Variants in SAE1 observed in about 807,000 individuals in gnomAD.
SAE1 encodes the protein SUMO-activating enzyme subunit 1.
A neutral mutation model predicts 40.6 loss-of-function variants in SAE1; 11 were observed. The observed-to-expected ratio is 0.27, with a 90% CI of 0.17 to 0.45. SAE1 has a LOEUF of 0.45. Ranked by LOEUF, SAE1 falls within the 20% of genes least tolerant of loss-of-function variation. The pLI is 1.00. For synonymous variants in SAE1, 155 were observed against 154.3 expected (o/e 1.00, Z -0.03); for missense variants, 373 against 427.3 (o/e 0.87, Z 1.12).
chr19:47,148,088 C>T (rs1027047956), intron 2 of SAE1, among the ~76,000 whole-genome samples: 11 of 152,048 alleles, frequency 7.2e-5, no homozygotes, highest in African/African-American at 1.2e-4. Context: ...TCCATGTCCT[C>T]GTTTTATATG....
chr19:47,176,480 A>C (rs2058469323), intron 6 of SAE1, among the ~76,000 whole-genome samples: 1 of 152,176 alleles, frequency 6.6e-6, no homozygotes, highest in Non-Finnish European at 1.5e-5. Flanking sequence ...TCAATAAATA[A>C]ATATTTTTTG....
chr19:47,163,088 A>AACT (rs541637242), intron 5 of SAE1, among the ~76,000 whole-genome samples: 1 of 152,270 alleles, frequency 6.6e-6, no homozygotes, highest in South Asian at 2.1e-4. Context: ...ACCAAATGAT[A>AACT]ACTATAACCT....
chr19:47,195,220 A>G (rs1348954941), intron 6 of SAE1, among the ~76,000 whole-genome samples: 2 of 150,630 alleles, frequency 1.3e-5, no homozygotes, highest in East Asian at 3.9e-4. Context: ...ACGCCTGGCT[A>G]ATTTTTGTAT....
chr19:47,155,364 G>T, intron 5 of SAE1, 151 bp downstream of exon 5: 1 of 530,622 alleles, frequency 1.9e-6, no homozygotes, highest in East Asian at 3.0e-5. Context: ...CTTAGTGTCA[G>T]CCAGCTGTTG....
chr19:47,184,313 G>A lies in SAE1; in HGVS notation c.734-12920G>A, dbSNP rs553909585. Among the ~76,000 whole-genome samples the A allele has an allele frequency of 5.3e-5, 8 of 152,242 alleles. No individual in the cohort carries two copies. In the South Asian group the frequency reaches 1.0e-3, roughly 20 times the overall value. ...TAAGAATGTGGTGACTTTTAAATCC[G>A]TCGTGACCATAAGCCTCTCCTAAGC... On this transcript the variant is annotated intron_variant, in intron 6 of 8. Coordinates refer to ENST00000270225, the MANE Select transcript of SAE1 (RefSeq NM_005500.3).
Position 47,130,911 on chromosome 19 carries a change from A to T in SAE1, c.-20A>T, listed in dbSNP as rs2058137037. The stretch of plus-strand genomic sequence containing the variant: ...GTTGGCTTGAGCGGGACCGGAGCTG[A>T]GGCAGGAAGAGCCGGCGCCATGGTG... On this transcript the variant is annotated 5_prime_UTR_variant, in exon 1 of 9. Coordinates refer to ENST00000270225, the MANE Select transcript of SAE1 (RefSeq NM_005500.3). 2.6e-6 allele frequency: 4 copies of T among 1,548,890 alleles called. No individual in the cohort carries two copies. Among genetic ancestry groups the T allele is most frequent in the East Asian group, 4.9e-5 (2 of 40,840 alleles).
intron 6 of SAE1, among the ~76,000 whole-genome samples, chr19:47,175,579 A>T (rs2058464275): frequency 6.6e-6 from 1 of 152,032 alleles, no homozygotes; most frequent in Non-Finnish European, 1.5e-5. Flanking sequence ...TCTACTAAAA[A>T]ACACAAAAAT....
intron 1 of SAE1, among the ~76,000 whole-genome samples, chr19:47,134,074 G>A (rs998157522): frequency 6.6e-6 from 1 of 151,984 alleles, no homozygotes. Context: ...TGTTGGTCAG[G>A]CTGGTGTTGA....
Position 47,200,399 on chromosome 19 carries a change from ATTTT to A in SAE1, c.878+3043_878+3046del, listed in dbSNP as rs35657499. On this transcript the variant is annotated intron_variant, in intron 7 of 8. Transcript: ENST00000270225. Reference sequence around the variant, plus strand: ...AGGCGTGTACTACCAAGCCTGCCTAATTTTTTTTTTTTTTTTTTTTTTTTGTATT... The same window carrying A: ...AGGCGTGTACTACCAAGCCTGCCTAATTTTTTTTTTTTTTTTTTTTGTATT... 3.7e-3 allele frequency among the ~76,000 whole-genome samples: 379 copies of A among 102,534 alleles called. 1 individual carries two copies. The highest frequency in any genetic ancestry group is 0.015 in the African/African-American group (360 of 23,922). 67.3% of individuals were successfully genotyped at this position (102,534 alleles called of 152,430 possible).
At chr19:47,164,442 C>T (rs1215895828) in intron 5 of SAE1, among the ~76,000 whole-genome samples, 10 of 152,010 alleles carry the variant, frequency 6.6e-5, no homozygotes. Flanking sequence ...GCTGGGATTA[C>T]AGGCATGAGC....
At chr19:47,170,057 C>G (rs1568598048) in intron 6 of SAE1, 134 bp downstream of exon 6, 1 of 672,076 alleles carries the variant, frequency 1.5e-6, no homozygotes, top group East Asian at 2.7e-5. Flanking sequence ...TCAGTGATCA[C>G]TTGAGAAAGG....
At chr19:47,209,038 C>G (rs2058699602) in intron 8 of SAE1, 121 bp from the exon 9 acceptor site, 1 of 853,374 alleles carries the variant, frequency 1.2e-6, no homozygotes. Context: ...CCAAATAGCC[C>G]TTTGGGAGCA....
At chr19:47,187,238 C>G (rs2058549845) in intron 6 of SAE1, among the ~76,000 whole-genome samples, 1 of 152,190 alleles carries the variant, frequency 6.6e-6, no homozygotes, top group Admixed American at 6.5e-5. Context: ...CCTCCTCCCC[C>G]AGCCCAGCTA....
At chr19:47,190,202 T>C (rs2123295430) in intron 6 of SAE1, among the ~76,000 whole-genome samples, 2 of 152,248 alleles carry the variant, frequency 1.3e-5, no homozygotes, top group South Asian at 4.1e-4. Context: ...AACTCTAATT[T>C]TGTGCAGTGT....
At chr19:47,145,093 C>G (rs1157210803) in intron 2 of SAE1, among the ~76,000 whole-genome samples, 1 of 152,018 alleles carries the variant, frequency 6.6e-6, no homozygotes, top group Non-Finnish European at 1.5e-5. Flanking sequence ...ACCTCTGCCT[C>G]CCAGGTTCAA....
intron 5 of SAE1, among the ~76,000 whole-genome samples, chr19:47,156,720 T>C (rs1476666309): frequency 6.6e-6 from 1 of 152,086 alleles, no homozygotes; most frequent in East Asian, 1.9e-4. Flanking sequence ...GGTTCCACCA[T>C]GTTGGCCAGG....
intron 5 of SAE1, among the ~76,000 whole-genome samples, chr19:47,168,720 C>T (rs1008362654): frequency 6.6e-6 from 1 of 152,124 alleles, no homozygotes; most frequent in Admixed American, 6.6e-5. Flanking sequence ...TCTCCTGCCT[C>T]AGCCTCCCAG....
At chr19:47,155,749 C>CTTT (rs1425906351) in intron 5 of SAE1, among the ~76,000 whole-genome samples, 1 of 119,770 alleles carries the variant, frequency 8.3e-6, no homozygotes, top group Non-Finnish European at 1.8e-5. Flanking sequence ...GCCCCATACC[C>CTTT]TTTTTTTTTT....
intron 5 of SAE1, among the ~76,000 whole-genome samples, chr19:47,160,214 A>T (rs1348814213): frequency 4.4e-4 from 33 of 74,570 alleles, no homozygotes; most frequent in African/African-American, 7.7e-4. Flanking sequence ...AAAATCCTGC[A>T]TTTTTTTTTT....
Sources: gnomAD v4.1 joint callset for allele counts (sites outside exome capture counted in the v4.1 genomes callset) on GRCh38, gnomAD v4.1.1 for gene constraint, MANE v1.5 for transcripts, NCBI Gene and HGNC (gene_info 2026-07-23, HGNC 2026-07-21) for gene names.